Variants in TMEM178B observed in about 807,000 individuals in gnomAD.
The protein encoded by TMEM178B is transmembrane protein 178B.
Under a neutral mutation model 31.0 loss-of-function variants are expected in TMEM178B, and 5 were observed. The ratio of observed to expected loss-of-function variants is 0.16; its 90% CI spans 0.08 to 0.34. The LOEUF is 0.34. Among genes scored for constraint, TMEM178B ranks in the 10% least tolerant of loss-of-function variants. The pLI is 1.00. For missense variants in TMEM178B, 275 were observed against 400.3 expected, an observed-to-expected ratio of 0.69 and a Z score of 2.67; for synonymous variants, 164 against 164.0, an observed-to-expected ratio of 1.00 and a Z score of 0.00.
intron 2 of TMEM178B, among the ~76,000 whole-genome samples, chr7:141,220,730 G>A (rs1220838700): frequency 6.6e-6 from 1 of 152,200 alleles, no homozygotes; most frequent in African/African-American, 2.4e-5. Context: ...CTCAGCTTCT[G>A]CAGATTGGAA....
intron 2 of TMEM178B, among the ~76,000 whole-genome samples, chr7:141,246,832 A>G (rs548575348): frequency 1.3e-5 from 2 of 152,244 alleles, no homozygotes; most frequent in African/African-American, 4.8e-5. Flanking sequence ...CTTAGGGGCT[A>G]CGGGGCTGCT....
intron 3 of TMEM178B, among the ~76,000 whole-genome samples, chr7:141,444,048 T>A (rs914797207): frequency 2.0e-5 from 3 of 152,174 alleles, no homozygotes; most frequent in Non-Finnish European, 4.4e-5. Flanking sequence ...GAGCACTTAG[T>A]TTTTGGCAGG....
At chr7:141,080,107 A>T (rs1387142981) in intron 1 of TMEM178B, among the ~76,000 whole-genome samples, 4 of 152,188 alleles carry the variant, frequency 2.6e-5, no homozygotes, top group Admixed American at 1.3e-4. Context: ...TGGCTCACAC[A>T]CCCTGTTTTG....
chr7:141,452,696 C>T (rs1801888269), intron 3 of TMEM178B, among the ~76,000 whole-genome samples: 1 of 151,938 alleles, frequency 6.6e-6, no homozygotes, highest in African/African-American at 2.4e-5. Context: ...TGCTGCTTAC[C>T]CTGTAGGGTT....
At chr7:141,204,823 TCTGA>T (rs1796936468) in intron 1 of TMEM178B, among the ~76,000 whole-genome samples, 1 of 152,110 alleles carries the variant, frequency 6.6e-6, no homozygotes, top group African/African-American at 2.4e-5. Flanking sequence ...AGAAATGGCT[TCTGA>T]CTTTTTTTTA....
chr7:141,084,803 G>A (rs1794750684), intron 1 of TMEM178B, among the ~76,000 whole-genome samples: 1 of 152,110 alleles, frequency 6.6e-6, no homozygotes, highest in African/African-American at 2.4e-5. Context: ...TATTCATGAT[G>A]TTTAAAAACA....
At chr7:141,496,925 T>A in the TMEM178B span, among the ~76,000 whole-genome samples, 90 of 152,174 alleles carry the variant, frequency 5.9e-4, no homozygotes, top group African/African-American at 2.2e-3. Context: ...GTGGTAGTGG[T>A]TCAGACTCCC....
chr7:141,489,690 C>T, the TMEM178B span, among the ~76,000 whole-genome samples: 3 of 152,126 alleles, frequency 2.0e-5, no homozygotes, highest in Non-Finnish European at 4.4e-5. Context: ...CACATTTTCC[C>T]GTGTTCTACC....
chr7:141,180,073 A>C (rs1796496256), intron 1 of TMEM178B, among the ~76,000 whole-genome samples: 1 of 151,852 alleles, frequency 6.6e-6, no homozygotes, highest in Non-Finnish European at 1.5e-5. Flanking sequence ...GTGGTCCATA[A>C]CTCTCCGTGA....
At chr7:141,364,382 T>C (rs527313271) in intron 2 of TMEM178B, among the ~76,000 whole-genome samples, 1 of 152,238 alleles carries the variant, frequency 6.6e-6, no homozygotes, top group South Asian at 2.1e-4. Context: ...AAGTTGGGGC[T>C]GGGCACGGTG....
chr7:141,077,843 T>A (rs1464636520), intron 1 of TMEM178B, among the ~76,000 whole-genome samples: 1 of 152,246 alleles, frequency 6.6e-6, no homozygotes, highest in East Asian at 1.9e-4. Context: ...AGGTCAATAT[T>A]GCAACAAATG....
At chr7:141,487,009 C>T in the TMEM178B span, among the ~76,000 whole-genome samples, 1 of 151,974 alleles carries the variant, frequency 6.6e-6, no homozygotes, top group Non-Finnish European at 1.5e-5. Flanking sequence ...GCTGTGGTCC[C>T]TGGGTCAGAC....
intron 1 of TMEM178B, among the ~76,000 whole-genome samples, chr7:141,088,226 C>T (rs1794819679): frequency 6.6e-6 from 1 of 152,150 alleles, no homozygotes; most frequent in African/African-American, 2.4e-5. Flanking sequence ...CTTGCTTGGC[C>T]CTTGTTCTTT....
chr7:141,318,959 C>A lies in TMEM178B; in HGVS notation c.496+106255C>A, dbSNP rs964832416. 6.6e-6 allele frequency among the ~76,000 whole-genome samples: 1 copy of A among 151,800 alleles called. No homozygotes were observed. The highest frequency in any genetic ancestry group is 1.5e-5 in the Non-Finnish European group (1 of 67,960). ...CCAAAAAAAAATGAACAATTTTTAC[C>A]AAGTTTCAAGTGATTGAAAAAAATA... On this transcript the variant is annotated intron_variant, in intron 2 of 3. Coordinates refer to ENST00000565468, the MANE Select transcript of TMEM178B (RefSeq NM_001195278.2). This position sits in a 1 kb window ranked among gnomAD's most constrained non-coding sequence, Gnocchi z 4.1.
chr7:141,389,727 T>C (rs1179642640), intron 2 of TMEM178B, among the ~76,000 whole-genome samples: 1 of 152,174 alleles, frequency 6.6e-6, no homozygotes, highest in Non-Finnish European at 1.5e-5. Flanking sequence ...TTAGGAGATG[T>C]CTAAATGAAT....
intron 2 of TMEM178B, among the ~76,000 whole-genome samples, chr7:141,325,522 A>T (rs1181629459): frequency 6.6e-6 from 1 of 151,840 alleles, no homozygotes; most frequent in East Asian, 1.9e-4. Context: ...CAATCTTGGC[A>T]CCTCTGTTTT....
intron 1 of TMEM178B, among the ~76,000 whole-genome samples, chr7:141,193,824 G>T (rs766294457): frequency 4.6e-5 from 7 of 152,262 alleles, no homozygotes; most frequent in Non-Finnish European, 1.0e-4. Flanking sequence ...ACCCTGCCCA[G>T]TTCTGGCCCT....
intron 1 of TMEM178B, among the ~76,000 whole-genome samples, chr7:141,161,313 C>T (rs1190027878): frequency 6.6e-6 from 1 of 151,876 alleles, no homozygotes; most frequent in Non-Finnish European, 1.5e-5. Flanking sequence ...CTGAGGGAGC[C>T]ACAGAGGGAG....
chr7:141,322,833 C>T (rs1190074107), intron 2 of TMEM178B, among the ~76,000 whole-genome samples: 3 of 152,106 alleles, frequency 2.0e-5, no homozygotes, highest in Non-Finnish European at 2.9e-5. Flanking sequence ...GAGGACTCCT[C>T]CCCTCTCTCC....
Sources: gnomAD v4.1 joint callset for allele counts (sites outside exome capture counted in the v4.1 genomes callset) on GRCh38, gnomAD v4.1.1 for gene constraint, Gnocchi (gnomAD v3.1) non-coding constraint, MANE v1.5 for transcripts, NCBI Gene and HGNC (gene_info 2026-07-23, HGNC 2026-07-21) for gene names.